The following LYPD6 variants were observed in gnomAD, a reference collection of about 807,000 sequenced individuals.
The protein encoded by LYPD6 is ly6/PLAUR domain-containing protein 6.
In LYPD6, 15 loss-of-function variants were observed where a neutral mutation model predicts 22.7. The ratio of observed to expected loss-of-function variants is 0.66; its 90% CI spans 0.44 to 1.02. LYPD6 has a LOEUF of 1.02. LYPD6 is among the 50% of genes least tolerant of loss of function. The probability of loss-of-function intolerance (pLI) is 0.00; values close to 1 mark genes in which losing one functional copy is unlikely to be tolerated. For missense variants in LYPD6, 189 were observed against 208.4 expected (o/e 0.91, Z 0.57); for synonymous variants, 72 against 77.5 (o/e 0.93, Z 0.37).
intron 1 of LYPD6, among the ~76,000 whole-genome samples, chr2:149,353,427 C>T (rs1331716007): frequency 6.6e-6 from 1 of 152,156 alleles, no homozygotes; most frequent in Admixed American, 6.5e-5. Context: ...GCCTTTAAGG[C>T]TTCTGCAAGC....
intron 2 of LYPD6, chr2:149,440,261 A>G (rs867857670): frequency 6.4e-6 from 1 of 155,072 alleles, no homozygotes. Flanking sequence ...GTAATCCAAG[A>G]TGCACGGCTG....
chr2:149,477,878 G>T (rs183850880), downstream of LYPD6, among the ~76,000 whole-genome samples: 1 of 152,122 alleles, frequency 6.6e-6, no homozygotes, highest in African/African-American at 2.4e-5. Context: ...GCATCAAAAG[G>T]TCACGGATGT....
At chr2:149,445,417 T>C (rs1683665971) in intron 2 of LYPD6, among the ~76,000 whole-genome samples, 1 of 152,214 alleles carries the variant, frequency 6.6e-6, no homozygotes, top group African/African-American at 2.4e-5. Flanking sequence ...CATTGACTTT[T>C]CTCTCTAGCT....
chr2:149,422,882 T>C (rs981402413), intron 1 of LYPD6, among the ~76,000 whole-genome samples: 4 of 152,310 alleles, frequency 2.6e-5, no homozygotes, highest in African/African-American at 9.6e-5. Flanking sequence ...CCTGGCTTAT[T>C]TCACTTAGCA....
intron 1 of LYPD6, among the ~76,000 whole-genome samples, chr2:149,342,345 T>C (rs78491253): frequency 0.016 from 2,409 of 152,312 alleles, 57 homozygotes; most frequent in African/African-American, 0.055. Context: ...TTTTAAAATA[T>C]ACAAAAGTTT....
At chr2:149,350,153 G>A (rs1012331638) in intron 1 of LYPD6, among the ~76,000 whole-genome samples, 7 of 152,120 alleles carry the variant, frequency 4.6e-5, no homozygotes, top group Admixed American at 3.9e-4. Flanking sequence ...AGAATACAAA[G>A]GATGCCAGCT....
chr2:149,437,877 G>T (rs758042641), intron 2 of LYPD6, 51 bp downstream of exon 2: 1 of 1,603,256 alleles, frequency 6.2e-7, no homozygotes, highest in Admixed American at 1.7e-5. Flanking sequence ...CAAATAAGAA[G>T]TGGTTCAAAA....
chr2:149,395,442 AT>A lies in LYPD6; in HGVS notation c.-71-42190del, dbSNP rs571252373. Among the ~76,000 whole-genome samples, 981 of 152,096 alleles carry A rather than the reference AT, an allele frequency of 6.4e-3. 12 individuals carry two copies. The highest frequency in any genetic ancestry group is 0.022 in the African/African-American group (924 of 41,510). On this transcript the variant is annotated intron_variant, in intron 1 of 4. Coordinates refer to ENST00000334166, the MANE Select transcript of LYPD6 (RefSeq NM_194317.5). ...TATGAATTTTGAATTTATATGCTTT[AT>A]TTTTTCTTTTCCTTTTTAATGACAG...
At chr2:149,350,638 G>A (rs942063438) in intron 1 of LYPD6, among the ~76,000 whole-genome samples, 6 of 152,302 alleles carry the variant, frequency 3.9e-5, no homozygotes, top group Non-Finnish European at 2.9e-5. Flanking sequence ...TTTCCAATAC[G>A]TGGGTAGATG....
chr2:149,413,141 C>T (rs919594857), intron 1 of LYPD6, among the ~76,000 whole-genome samples: 5 of 152,238 alleles, frequency 3.3e-5, no homozygotes, highest in Admixed American at 3.3e-4. Context: ...TTGGCCTTTT[C>T]CTCACCCAAG....
chr2:149,422,468 G>A (rs1396882488), intron 1 of LYPD6, among the ~76,000 whole-genome samples: 1 of 152,150 alleles, frequency 6.6e-6, no homozygotes, highest in East Asian at 1.9e-4. Flanking sequence ...TGTCCTTGCT[G>A]TAGTGGTTCC....
chr2:149,452,056 TGG>T (rs1680837302), intron 3 of LYPD6, among the ~76,000 whole-genome samples: 1 of 152,166 alleles, frequency 6.6e-6, no homozygotes, highest in Non-Finnish European at 1.5e-5. Context: ...CTCTACAACT[TGG>T]AACTGGAGGT....
downstream of LYPD6, among the ~76,000 whole-genome samples, chr2:149,477,891 A>G (rs1681468319): frequency 6.6e-6 from 1 of 152,170 alleles, no homozygotes; most frequent in African/African-American, 2.4e-5. Flanking sequence ...ACGGATGTGG[A>G]CTTTTAGGAA....
downstream of LYPD6, among the ~76,000 whole-genome samples, chr2:149,477,720 A>G (rs1681466317): frequency 6.6e-6 from 1 of 151,748 alleles, no homozygotes; most frequent in Admixed American, 6.6e-5. Flanking sequence ...CAGCCAGGTT[A>G]TATCTGAGGA....
chr2:149,443,921 T>C (rs1276596654), intron 2 of LYPD6, among the ~76,000 whole-genome samples: 2 of 150,508 alleles, frequency 1.3e-5, no homozygotes, highest in African/African-American at 2.5e-5. Context: ...TAAAAAACAA[T>C]GTGCATATCT....
chr2:149,416,107 C>G (rs1273324964), intron 1 of LYPD6, among the ~76,000 whole-genome samples: 1 of 152,214 alleles, frequency 6.6e-6, no homozygotes, highest in East Asian at 1.9e-4. Flanking sequence ...CTTCCATGGG[C>G]TGCTTTTCCT....
chr2:149,471,072 C>A lies in LYPD6; in HGVS notation c.*222C>A. ...ATCAAAGCCTTCTGTCAGTACAGCCCAAGTTCCATACCATAAACGTTTGTT... is the reference window on the plus strand; with the variant it reads ...ATCAAAGCCTTCTGTCAGTACAGCCAAAGTTCCATACCATAAACGTTTGTT... On this transcript the variant is annotated 3_prime_UTR_variant, in exon 5 of 5. Transcript: ENST00000334166. 1 of 427,660 alleles carries A rather than the reference C, an allele frequency of 2.3e-6. No individual in the cohort carries two copies. Among genetic ancestry groups the A allele is most frequent in the Non-Finnish European group, 4.2e-6 (1 of 237,320 alleles). The allele number at this position is 427,660 out of a possible 1,614,324, so 26.5% of individuals were successfully genotyped here.
At chr2:149,362,762 GATAA>G (rs1681595878) in intron 1 of LYPD6, among the ~76,000 whole-genome samples, 1 of 152,190 alleles carries the variant, frequency 6.6e-6, no homozygotes, top group African/African-American at 2.4e-5. Context: ...GTACTCTTAT[GATAA>G]ATAACCCACT....
chr2:149,380,352 C>A (rs976837222), intron 1 of LYPD6, among the ~76,000 whole-genome samples: 11 of 152,128 alleles, frequency 7.2e-5, no homozygotes, highest in Non-Finnish European at 1.2e-4. Context: ...ACATGACATG[C>A]TAAGAAGAGG....
Sources: allele counts gnomAD v4.1 joint callset (sites outside exome capture counted in the v4.1 genomes callset), GRCh38; gene constraint gnomAD v4.1.1; transcripts MANE v1.5; gene names NCBI Gene and HGNC (gene_info 2026-07-23, HGNC 2026-07-21).